The following CCDC148 variants were observed in gnomAD, a reference collection of about 807,000 sequenced individuals.
The protein encoded by CCDC148 is coiled-coil domain containing 148.
In CCDC148, 89 loss-of-function variants were observed where a neutral mutation model predicts 85.7. The ratio of observed to expected loss-of-function variants is 1.04; its 90% CI spans 0.87 to 1.24. The LOEUF (loss-of-function observed/expected upper bound fraction) is 1.24, where lower values mean the gene tolerates loss of function less well. CCDC148 is among the 50% of genes most tolerant of loss of function. The pLI, the probability that CCDC148 is intolerant of heterozygous loss-of-function variation, is 0.00. For missense variants in CCDC148, 692 were observed against 671.7 expected (o/e 1.03, Z -0.33); for synonymous variants, 230 against 213.9 (o/e 1.08, Z -0.66).
At chr2:158,227,427 G>C (rs1372894530) in intron 10 of CCDC148, among the ~76,000 whole-genome samples, 2 of 152,016 alleles carry the variant, frequency 1.3e-5, no homozygotes, top group Non-Finnish European at 2.9e-5. Flanking sequence ...AGCTACCAAT[G>C]ACTTTCTTCA....
chr2:158,214,023 T>C (rs1686714709), intron 11 of CCDC148, among the ~76,000 whole-genome samples: 1 of 149,664 alleles, frequency 6.7e-6, no homozygotes, highest in Admixed American at 6.7e-5. Context: ...GGGTAAAAAT[T>C]ACCATGAGGG....
At chr2:158,453,601 CAT>C (rs1364119995) in intron 1 of CCDC148, among the ~76,000 whole-genome samples, 5 of 152,122 alleles carry the variant, frequency 3.3e-5, no homozygotes, top group Non-Finnish European at 7.3e-5. Context: ...CCCACTCCTC[CAT>C]AGACACCCAG....
At chr2:158,381,605 T>C (rs548703413) in intron 1 of CCDC148, among the ~76,000 whole-genome samples, 21 of 152,218 alleles carry the variant, frequency 1.4e-4, no homozygotes, top group Non-Finnish European at 2.6e-4. Context: ...ATATACTCAA[T>C]AGAAATTTGT....
intron 1 of CCDC148, among the ~76,000 whole-genome samples, chr2:158,439,184 T>C (rs1012985655): frequency 2.2e-4 from 33 of 152,366 alleles, no homozygotes; most frequent in African/African-American, 7.9e-4. Context: ...CGTGTATGTT[T>C]ATTGTGGCAC....
intron 13 of CCDC148, among the ~76,000 whole-genome samples, chr2:158,175,235 C>G (rs1684519359): frequency 6.6e-6 from 1 of 152,046 alleles, no homozygotes; most frequent in Admixed American, 6.6e-5. Context: ...TCAATCCTTT[C>G]AAGCCTCAGC....
intron 10 of CCDC148, among the ~76,000 whole-genome samples, chr2:158,223,826 C>A (rs1687337272): frequency 6.6e-6 from 1 of 152,078 alleles, no homozygotes; most frequent in Non-Finnish European, 1.5e-5. Context: ...CTGTATGTCA[C>A]CATCATCAAA....
intron 2 of CCDC148, among the ~76,000 whole-genome samples, chr2:158,357,339 C>A (rs1276426275): frequency 1.3e-5 from 2 of 150,844 alleles, no homozygotes; most frequent in African/African-American, 4.9e-5. Flanking sequence ...ATCTTCAAGG[C>A]AAATAGTAGG....
At chr2:158,207,568 T>C (rs1280429883) in intron 11 of CCDC148, 1 of 152,194 alleles carries the variant, frequency 6.6e-6, no homozygotes, top group Non-Finnish European at 1.5e-5. Flanking sequence ...GATGCAAATG[T>C]TTACCTTTTG....
At chr2:158,327,233 T>C (rs111361783) in intron 7 of CCDC148, among the ~76,000 whole-genome samples, 1,721 of 152,286 alleles carry the variant, frequency 0.011, 19 homozygotes, top group Middle Eastern at 0.075. Context: ...ATCTGCTCTA[T>C]AGAAAAGATT....
At chr2:158,434,413 C>T (rs778514512) in intron 1 of CCDC148, among the ~76,000 whole-genome samples, 1 of 152,210 alleles carries the variant, frequency 6.6e-6, no homozygotes, top group Non-Finnish European at 1.5e-5. Context: ...AGGGTCCTGA[C>T]TGTTAGAAAG....
At chr2:158,437,274 C>A (rs1245604842) in intron 1 of CCDC148, among the ~76,000 whole-genome samples, 1 of 152,170 alleles carries the variant, frequency 6.6e-6, no homozygotes, top group Admixed American at 6.5e-5. Context: ...AAAAGCTTAT[C>A]CACCATGATC....
chr2:158,260,446 C>T (rs746567565), intron 9 of CCDC148, among the ~76,000 whole-genome samples: 3 of 151,860 alleles, frequency 2.0e-5, no homozygotes, highest in African/African-American at 7.3e-5. Context: ...ACTTGAAAAC[C>T]GGCACAAGAC....
chr2:158,298,505 T>C (rs1248859448), intron 9 of CCDC148, among the ~76,000 whole-genome samples: 2 of 152,154 alleles, frequency 1.3e-5, no homozygotes, highest in Admixed American at 6.5e-5. Flanking sequence ...CTTTTTACCA[T>C]GTTCCACACC....
intron 1 of CCDC148, among the ~76,000 whole-genome samples, chr2:158,451,571 G>A (rs965050147): frequency 2.0e-5 from 3 of 151,550 alleles, no homozygotes; most frequent in Non-Finnish European, 4.4e-5. Flanking sequence ...CCAATGATGC[G>A]GCAAAATGAT....
chr2:158,217,226 C>T lies in CCDC148; in HGVS notation c.1370+3369G>A, dbSNP rs547350964. Among the ~76,000 whole-genome samples the T allele has an allele frequency of 1.4e-3, 207 of 149,046 alleles. 1 individual carries two copies. The highest frequency in any genetic ancestry group is 4.9e-3 in the African/African-American group (196 of 40,390). ...TTCTATGTCTTTTTTTAATGTTGAA[C>T]CACATGAAATTGCCAGTACTCAACC... On this transcript the variant is annotated intron_variant, in intron 11 of 13. Transcript: ENST00000283233.
intron 9 of CCDC148, among the ~76,000 whole-genome samples, chr2:158,304,006 T>G (rs777106342): frequency 5.9e-5 from 9 of 152,134 alleles, no homozygotes; most frequent in Non-Finnish European, 1.0e-4. Flanking sequence ...AATGTGGCAT[T>G]GTTTTTGTCC....
chr2:158,242,635 T>TG (rs1198836396), intron 10 of CCDC148, among the ~76,000 whole-genome samples: 1 of 150,002 alleles, frequency 6.7e-6, no homozygotes. Context: ...ACTCTGTAGT[T>TG]TTTTTTTTTT....
intron 8 of CCDC148, among the ~76,000 whole-genome samples, chr2:158,310,287 A>T (rs568970625): frequency 6.6e-6 from 1 of 152,338 alleles, no homozygotes; most frequent in East Asian, 1.9e-4. Flanking sequence ...AATTTTTCTT[A>T]GTACAGAACA....
chr2:158,205,823 C>T (rs2105287000), intron 11 of CCDC148, among the ~76,000 whole-genome samples: 1 of 152,230 alleles, frequency 6.6e-6, no homozygotes, highest in East Asian at 1.9e-4. Flanking sequence ...GATGGCAATG[C>T]CACTTGTCCT....
Sources: gnomAD v4.1 joint callset for allele counts (sites outside exome capture counted in the v4.1 genomes callset) on GRCh38, gnomAD v4.1.1 for gene constraint, MANE v1.5 for transcripts, NCBI Gene and HGNC (gene_info 2026-07-23, HGNC 2026-07-21) for gene names.